The following CCDC90B variants were observed in gnomAD, a reference collection of about 807,000 sequenced individuals.
CCDC90B encodes coiled-coil domain containing 90B.
CCDC90B carries 24 observed loss-of-function variants against 37.0 expected under a neutral mutation model. The observed-to-expected ratio is 0.65, with a 90% CI of 0.47 to 0.91. CCDC90B has a LOEUF of 0.91. Ranked by LOEUF, CCDC90B falls within the 40% of genes least tolerant of loss-of-function variation. The probability of loss-of-function intolerance (pLI) is 0.00; values close to 1 mark genes in which losing one functional copy is unlikely to be tolerated. For missense variants in CCDC90B, 319 were observed against 299.0 expected (o/e 1.07, Z -0.49); for synonymous variants, 113 against 101.1 (o/e 1.12, Z -0.71).
intron 3 of CCDC90B, among the ~76,000 whole-genome samples, chr11:83,275,238 C>T (rs1864952627): frequency 6.6e-6 from 1 of 152,110 alleles, no homozygotes; most frequent in Non-Finnish European, 1.5e-5. Context: ...GGGTATCCTC[C>T]CTATTATTTG....
intron 7 of CCDC90B, among the ~76,000 whole-genome samples, chr11:83,269,263 C>T (rs1381223135): frequency 6.6e-6 from 1 of 151,282 alleles, no homozygotes; most frequent in African/African-American, 2.4e-5. Flanking sequence ...ATAACTTCTG[C>T]TGCTTCTTAT....
chr11:83,285,796 C>A, intron 1 of CCDC90B, 77 bp downstream of exon 1: 2 of 1,518,584 alleles, frequency 1.3e-6, no homozygotes, highest in Admixed American at 2.1e-5. Flanking sequence ...TTCCCGTTCG[C>A]TCGAGCAGGC....
intron 7 of CCDC90B, among the ~76,000 whole-genome samples, chr11:83,268,463 C>T (rs1864435735): frequency 6.7e-6 from 1 of 150,092 alleles, no homozygotes. Flanking sequence ...CAATCCTAGT[C>T]TCTGATAAAA....
At chr11:83,282,472 C>G (rs1865446359) in intron 1 of CCDC90B, among the ~76,000 whole-genome samples, 1 of 152,204 alleles carries the variant, frequency 6.6e-6, no homozygotes, top group South Asian at 2.1e-4. Flanking sequence ...ACTCTGAATA[C>G]CAGCAGCTTC....
chr11:83,274,560 C>T, intron 4 of CCDC90B, 79 bp downstream of exon 4: 1 of 766,578 alleles, frequency 1.3e-6, no homozygotes, highest in Non-Finnish European at 2.1e-6. Context: ...ATTACTTGGT[C>T]TTATTAACTT....
At position 83,263,965 on chromosome 11, in the gene CCDC90B, C is replaced by T. The variant is rs150679103; in HGVS notation, c.709+1900G>A. Among the ~76,000 whole-genome samples the T allele has an allele frequency of 9.2e-4, 140 of 152,182 alleles. 1 individual carries two copies. The highest frequency in any genetic ancestry group is 3.2e-3 in the African/African-American group (131 of 41,522). On this transcript the variant is annotated intron_variant, in intron 8 of 8. Transcript: ENST00000529689. ...CCAGAAAATGACTAAGAGTATAAAT[C>T]GGCAGTTTTCTTTTAGACAGCAATT...
intron 7 of CCDC90B, among the ~76,000 whole-genome samples, chr11:83,268,008 C>T (rs1032740283): frequency 7.2e-5 from 11 of 152,074 alleles, no homozygotes; most frequent in African/African-American, 2.7e-4. Flanking sequence ...CAAACTAAGC[C>T]TCATAAGTGA....
intron 1 of CCDC90B, among the ~76,000 whole-genome samples, chr11:83,282,165 A>C (rs1324802014): frequency 6.6e-6 from 1 of 152,244 alleles, no homozygotes. Flanking sequence ...AACAAAACCC[A>C]AAAACCCTGG....
At chr11:83,268,254 A>G (rs1864415852) in intron 7 of CCDC90B, among the ~76,000 whole-genome samples, 1 of 152,190 alleles carries the variant, frequency 6.6e-6, no homozygotes. Context: ...ACACATAACA[A>G]TATTAACCTT....
At chr11:83,272,819 G>C (rs1268111969) in intron 7 of CCDC90B, among the ~76,000 whole-genome samples, 1 of 152,202 alleles carries the variant, frequency 6.6e-6, no homozygotes, top group East Asian at 1.9e-4. Flanking sequence ...AAAGGACAAG[G>C]CTGAGTCAGA....
At chr11:83,263,442 A>G (rs1293749057) in intron 8 of CCDC90B, among the ~76,000 whole-genome samples, 2 of 152,132 alleles carry the variant, frequency 1.3e-5, no homozygotes, top group Non-Finnish European at 2.9e-5. Context: ...TATCCTCTAT[A>G]CCCTGTCTAG....
chr11:83,280,832 T>C (rs958615134), intron 1 of CCDC90B, among the ~76,000 whole-genome samples: 2 of 152,222 alleles, frequency 1.3e-5, no homozygotes, highest in African/African-American at 4.8e-5. Context: ...CTTTAGCACG[T>C]AGAACAGTGC....
Position 83,285,916 on chromosome 11 carries a change from C to G in CCDC90B, c.57G>C (p.Trp19Cys). ...AGAAATGCCCGCGGGGCCTTGAAAC[C>G]CAACGATCTCCTCTGCCTTGGGAGA... ...LFLSQGRGDR[W>C]VSRPRGHFSP... The change falls in exon 1 of 9, where the codon TGG becomes TGC. Residue 19 changes from tryptophan (W) to cysteine (C), a missense_variant. Coordinates refer to ENST00000529689, the MANE Select transcript of CCDC90B (RefSeq NM_021825.5). 6.2e-7 allele frequency: 1 copy of G among 1,613,606 alleles called. No homozygotes were observed. Among genetic ancestry groups the G allele is most frequent in the Non-Finnish European group, 8.5e-7 (1 of 1,179,914 alleles).
intron 8 of CCDC90B, among the ~76,000 whole-genome samples, chr11:83,265,606 A>T (rs553006427): frequency 3.5e-4 from 53 of 152,202 alleles, no homozygotes; most frequent in Non-Finnish European, 7.2e-4. Flanking sequence ...CCAATACTAC[A>T]CCCTATATGT....
chr11:83,270,089 C>T (rs1255203877), intron 7 of CCDC90B, among the ~76,000 whole-genome samples: 3 of 152,122 alleles, frequency 2.0e-5, no homozygotes, highest in Non-Finnish European at 4.4e-5. Flanking sequence ...AAAAGGGCTT[C>T]AACAAAATTC....
intron 7 of CCDC90B, 91 bp from the exon 8 acceptor site, chr11:83,266,070 A>T (rs903875603): frequency 1.2e-5 from 8 of 653,152 alleles, no homozygotes; most frequent in Non-Finnish European, 2.1e-5. Flanking sequence ...CTTATGGGCT[A>T]ATTGTGATAT....
intron 1 of CCDC90B, among the ~76,000 whole-genome samples, chr11:83,283,683 C>T (rs542991272): frequency 1.2e-4 from 18 of 152,164 alleles, no homozygotes; most frequent in Non-Finnish European, 2.1e-4. Flanking sequence ...CTTTACAGGC[C>T]GGGTGCAGTG....
At chr11:83,273,750 A>G in intron 6 of CCDC90B, 43 bp downstream of exon 6, 9 of 1,601,336 alleles carry the variant, frequency 5.6e-6, no homozygotes, top group Non-Finnish European at 7.7e-6. Context: ...TAAAAATAAA[A>G]AAGGAGTAAG....
At chr11:83,284,215 T>A (rs192599457) in intron 1 of CCDC90B, among the ~76,000 whole-genome samples, 8 of 152,316 alleles carry the variant, frequency 5.3e-5, no homozygotes, top group Admixed American at 5.2e-4. Context: ...AGTTTAAAGG[T>A]TTAACCAGTT....
Sources: allele counts gnomAD v4.1 joint callset (sites outside exome capture counted in the v4.1 genomes callset), GRCh38; gene constraint gnomAD v4.1.1; transcripts MANE v1.5; gene names NCBI Gene and HGNC (gene_info 2026-07-23, HGNC 2026-07-21).